The following PRDM11 variants were observed in gnomAD, a reference collection of about 807,000 sequenced individuals.
PRDM11 encodes PR domain-containing protein 11.
A neutral mutation model predicts 97.8 loss-of-function variants in PRDM11; 20 were observed. That is an observed-to-expected ratio of 0.20 (90% confidence interval 0.14 to 0.30). PRDM11 has a LOEUF of 0.30. Among genes scored for constraint, PRDM11 ranks in the 10% least tolerant of loss-of-function variants. The probability of loss-of-function intolerance (pLI) is 1.00; values close to 1 mark genes in which losing one functional copy is unlikely to be tolerated. For missense variants in PRDM11, 1,139 were observed against 1,555.2 expected, an observed-to-expected ratio of 0.73 and a Z score of 4.50; for synonymous variants, 599 against 637.7, an observed-to-expected ratio of 0.94 and a Z score of 0.91.
chr11:45,119,135 A>G (rs539815514), intron 1 of PRDM11, among the ~76,000 whole-genome samples: 169 of 152,348 alleles, frequency 1.1e-3, no homozygotes, highest in Non-Finnish European at 1.3e-3. Flanking sequence ...GCTCTGATCT[A>G]TAATGACAAA....
intron 4 of PRDM11, among the ~76,000 whole-genome samples, chr11:45,203,375 A>T (rs946711596): frequency 1.3e-5 from 2 of 152,142 alleles, no homozygotes; most frequent in Admixed American, 6.5e-5. Flanking sequence ...CTGAAAAAAA[A>T]ACTAATTAAA....
chr11:45,191,742 A>G (rs1852920673), intron 4 of PRDM11, among the ~76,000 whole-genome samples: 2 of 152,102 alleles, frequency 1.3e-5, no homozygotes, highest in South Asian at 4.1e-4. Context: ...TTAGGAGCCA[A>G]AATCTCTGAA....
intron 4 of PRDM11, among the ~76,000 whole-genome samples, chr11:45,201,127 A>G (rs1221031147): frequency 6.6e-6 from 1 of 152,202 alleles, no homozygotes; most frequent in African/African-American, 2.4e-5. Flanking sequence ...CAACTATTGT[A>G]TGGTATTTCT....
intron 1 of PRDM11, among the ~76,000 whole-genome samples, chr11:45,162,546 C>T (rs1320306406): frequency 6.6e-6 from 1 of 152,154 alleles, no homozygotes. Flanking sequence ...GGTTCTGGCT[C>T]AGCAATAACC....
chr11:45,107,913 T>C (rs1852090893), intron 1 of PRDM11, among the ~76,000 whole-genome samples: 1 of 150,506 alleles, frequency 6.6e-6, no homozygotes, highest in African/African-American at 2.5e-5. Context: ...CATCGCAACC[T>C]CCAACTCCAG....
chr11:45,111,501 CAGTTA>C (rs1321940106), intron 1 of PRDM11, among the ~76,000 whole-genome samples: 1 of 152,114 alleles, frequency 6.6e-6, no homozygotes, highest in Non-Finnish European at 1.5e-5. Flanking sequence ...TGTGAACACT[CAGTTA>C]AGGTTCTGCT....
At chr11:45,218,795 A>G (rs1251149159) in intron 5 of PRDM11, among the ~76,000 whole-genome samples, 1 of 152,242 alleles carries the variant, frequency 6.6e-6, no homozygotes, top group Non-Finnish European at 1.5e-5. Context: ...ACAGAACTTT[A>G]AAGGTTTTCT....
intron 4 of PRDM11, 25 bp from the exon 5 acceptor site, chr11:45,204,686 C>T (rs765110522): frequency 1.3e-6 from 2 of 1,595,182 alleles, no homozygotes; most frequent in Non-Finnish European, 1.7e-6. Context: ...AATGGCCCAT[C>T]CTAGACTCTT....
upstream of PRDM11, among the ~76,000 whole-genome samples, chr11:45,094,394 C>T (rs941162868): frequency 6.6e-6 from 1 of 151,892 alleles, no homozygotes; most frequent in African/African-American, 2.4e-5. Context: ...CCCAGTGCTG[C>T]CCCAGCTGCA....
chr11:45,118,452 A>G (rs1029344602), intron 1 of PRDM11, among the ~76,000 whole-genome samples: 4 of 152,246 alleles, frequency 2.6e-5, no homozygotes, highest in Admixed American at 2.6e-4. Context: ...AAAATAAAAA[A>G]TATTAGCAAA....
chr11:45,173,611 A>G (rs1359450942), intron 1 of PRDM11, among the ~76,000 whole-genome samples: 1 of 150,398 alleles, frequency 6.6e-6, no homozygotes, highest in Non-Finnish European at 1.5e-5. Flanking sequence ...AACAAGAGAG[A>G]AACACCGCGT....
rs1178372795 is a variant in PRDM11 at position 45,213,059 on chromosome 11, C to G, written c.555-6511C>G. ...CAATTTCTAACCCAGCTAGTCTGCA[C>G]TAGGAGGAAGAGTCATGGAGGAGGG... On this transcript the variant is annotated intron_variant, in intron 5 of 7. Transcript: ENST00000683152. 6.7e-6 allele frequency: 3 copies of G among 447,656 alleles called. No individual in the cohort carries two copies. The Admixed American group carries it at 7.1e-5, about 11-fold the overall frequency. 27.7% of individuals were successfully genotyped at this position (447,656 alleles called of 1,614,324 possible). A position where few individuals can be genotyped will look rare whatever the true frequency, so the allele number is the denominator to read the frequency against.
intron 1 of PRDM11, among the ~76,000 whole-genome samples, chr11:45,113,655 A>C (rs1677983242): frequency 6.6e-6 from 1 of 151,866 alleles, no homozygotes; most frequent in Non-Finnish European, 1.5e-5. Flanking sequence ...CCTTGTAGAG[A>C]TCTTTCACCT....
At chr11:45,095,700 T>A, upstream of PRDM11, 1 of 660,968 alleles carries the variant, frequency 1.5e-6, no homozygotes, top group South Asian at 1.8e-5. Context: ...GGAAAGGCAT[T>A]CTCTTTTTAA....
intron 1 of PRDM11, among the ~76,000 whole-genome samples, chr11:45,106,860 A>G (rs1296005676): frequency 6.6e-6 from 1 of 152,226 alleles, no homozygotes; most frequent in East Asian, 1.9e-4. Context: ...CTACTGGTCA[A>G]GGCAGTCACA....
intron 1 of PRDM11, among the ~76,000 whole-genome samples, chr11:45,154,062 A>T (rs1016819560): frequency 6.6e-6 from 1 of 152,240 alleles, no homozygotes; most frequent in Non-Finnish European, 1.5e-5. Context: ...GTGATTTAAA[A>T]ATAGGATTTG....
chr11:45,120,735 C>T lies in PRDM11; in HGVS notation c.96+24834C>T, dbSNP rs147554178. On this transcript the variant is annotated intron_variant, in intron 1 of 6. Transcript: ENST00000530656. ...GGAAAATGAGCCCAGAGAGAACAGACCACAGGAAGGAGTGAATAGTACCCA... is the reference window on the plus strand; with the variant it reads ...GGAAAATGAGCCCAGAGAGAACAGATCACAGGAAGGAGTGAATAGTACCCA... 6.5e-4 allele frequency among the ~76,000 whole-genome samples: 98 copies of T among 151,798 alleles called. 1 individual carries two copies. In the Middle Eastern group the frequency reaches 0.017, roughly 26 times the overall value.
At chr11:45,108,906 C>CA (rs1258453290) in intron 1 of PRDM11, among the ~76,000 whole-genome samples, 1 of 152,242 alleles carries the variant, frequency 6.6e-6, no homozygotes, top group Non-Finnish European at 1.5e-5. Flanking sequence ...GGTTTTGTCT[C>CA]AAAAAATACA....
chr11:45,182,067 C>T (rs1473054967), intron 2 of PRDM11, among the ~76,000 whole-genome samples, 179 bp from the exon 3 acceptor site: 7 of 152,102 alleles, frequency 4.6e-5, no homozygotes, highest in Non-Finnish European at 2.9e-5. Context: ...GGTCTGTGCT[C>T]GCATCTCAAT....
Sources: allele counts gnomAD v4.1 joint callset (sites outside exome capture counted in the v4.1 genomes callset), GRCh38; gene constraint gnomAD v4.1.1; transcripts MANE v1.5; gene names NCBI Gene and HGNC (gene_info 2026-07-23, HGNC 2026-07-21).